The following GSDMC variants were observed in gnomAD, a reference collection of about 807,000 sequenced individuals.
GSDMC encodes the protein gasdermin C, also known as gasdermin-C.
GSDMC carries 59 observed loss-of-function variants against 58.0 expected under a neutral mutation model. The observed-to-expected ratio is 1.02, with a 90% CI of 0.82 to 1.26. The LOEUF is 1.26. Ranked by LOEUF, GSDMC falls within the 50% of genes most tolerant of loss-of-function variation. The probability of loss-of-function intolerance (pLI) is 0.00; values close to 1 mark genes in which losing one functional copy is unlikely to be tolerated. For synonymous variants in GSDMC, 241 were observed against 220.2 expected (o/e 1.09, Z -0.83); for missense variants, 659 against 598.5 (o/e 1.10, Z -1.06).
At chr8:129,717,250 C>CTTTTTTTTTTT in the GSDMC span, among the ~76,000 whole-genome samples, 1 of 114,686 alleles carries the variant, frequency 8.7e-6, no homozygotes. Flanking sequence ...TGGTCCTGGG[C>CTTTTTTTTTTT]TTTTTTTTTT....
chr8:129,750,016 A>G lies in GSDMC; in HGVS notation c.1187T>C (p.Ile396Thr), dbSNP rs2033111280. The stretch of plus-strand genomic sequence containing the variant: ...CATTATGGCTTCAAGGAGATAAAGA[A>G]TGGGGTCCTTTGGGTTAAACCATGC... ...NHAWFNPKDP[I>T]LYLLEAIMVL... is the part of the protein sequence containing the mutation. Residue 396 changes from isoleucine (I) to threonine (T), a missense_variant, in exon 12 of 14, where the codon ATT becomes ACT. Ile to Thr is a moderately conservative substitution (Grantham distance 89). Transcript: ENST00000276708. 1.2e-6 allele frequency: 2 copies of G among 1,609,446 alleles called. No homozygotes were observed. Among genetic ancestry groups the G allele is most frequent in the Non-Finnish European group, 1.7e-6 (2 of 1,178,544 alleles).
At chr8:129,727,023 C>CACACACACAT in the GSDMC span, among the ~76,000 whole-genome samples, 18,125 of 150,094 alleles carry the variant, frequency 0.12, 1,755 homozygotes, top group East Asian at 0.24. Context: ...CACACACACA[C>CACACACACAT]ACCTATTCAC....
downstream of GSDMC, among the ~76,000 whole-genome samples, chr8:129,745,556 C>A (rs1223123811): frequency 6.6e-6 from 1 of 152,092 alleles, no homozygotes; most frequent in East Asian, 1.9e-4. Flanking sequence ...TAAATAATGA[C>A]ACTTGTTACT....
At position 129,786,142 on chromosome 8, in the gene GSDMC, G is replaced by A. The variant is rs1563821504; in HGVS notation, c.-136C>T. ...GAGGTCAGGAGTTCAAGATCAGCCA[G>A]GCCAAGATGGTGAAACCCTGTCTCT... On this transcript the variant is annotated 5_prime_UTR_variant, in exon 1 of 14. Coordinates refer to ENST00000276708, the MANE Select transcript of GSDMC (RefSeq NM_031415.3). The A allele has an allele frequency of 1.3e-5, 2 of 152,076 alleles. No homozygotes were observed. The allele number at this position is 152,076 out of a possible 1,614,324, so 9.4% of individuals were successfully genotyped here.
At chr8:129,736,451 A>T in the GSDMC span, among the ~76,000 whole-genome samples, 16 of 152,326 alleles carry the variant, frequency 1.1e-4, no homozygotes, top group African/African-American at 3.8e-4. Flanking sequence ...CGATCAACTC[A>T]GCTTCATCCT....
At chr8:129,762,800 G>T in intron 4 of GSDMC, 69 bp from the exon 5 acceptor site, 1 of 1,045,864 alleles carries the variant, frequency 9.6e-7, no homozygotes, top group Non-Finnish European at 1.5e-6. Flanking sequence ...GCTCTAGAAA[G>T]CTCATTAGGA....
chr8:129,735,046 G>A, the GSDMC span, among the ~76,000 whole-genome samples: 3 of 152,212 alleles, frequency 2.0e-5, no homozygotes, highest in East Asian at 1.9e-4. Context: ...ACAAAGATCA[G>A]AAGAGACAAA....
Position 129,777,384 on chromosome 8 carries a change from T to C in GSDMC, c.204A>G (p.Pro68=). ...TGACAATACCTAGGACTGAAGAACTTGGCTCCAGGATGTCATTGAGGGAGA... is the reference window on the plus strand; with the variant it reads ...TGACAATACCTAGGACTGAAGAACTCGGCTCCAGGATGTCATTGAGGGAGA... The part of the protein sequence containing the change: ...VEFSLNDILE[P]SSSVLETVVT... Residue 68 remains proline (P), a synonymous_variant, in exon 2 of 14, where the codon CCA becomes CCG. Transcript: ENST00000276708. 6.2e-7 allele frequency: 1 copy of C among 1,610,744 alleles called. No homozygotes were observed. Among genetic ancestry groups the C allele is most frequent in the Non-Finnish European group, 8.5e-7 (1 of 1,176,900 alleles).
chr8:129,750,665 A>C, intron 10 of GSDMC, 95 bp from the exon 11 acceptor site: 2 of 1,253,592 alleles, frequency 1.6e-6, no homozygotes, highest in Non-Finnish European at 2.3e-6. Context: ...ATATGAACCA[A>C]ACTCCTCTAT....
the GSDMC span, among the ~76,000 whole-genome samples, chr8:129,712,263 A>C: frequency 6.6e-6 from 1 of 152,248 alleles, no homozygotes; most frequent in African/African-American, 2.4e-5. Flanking sequence ...TAGAAGTTTT[A>C]TTTTTCAATA....
chr8:129,758,853 G>GA (rs1016268527), intron 6 of GSDMC, among the ~76,000 whole-genome samples: 11 of 151,108 alleles, frequency 7.3e-5, no homozygotes, highest in East Asian at 5.8e-4. Context: ...TTCACAGTAA[G>GA]AAAAAAAAAT....
chr8:129,707,738 A>G, the GSDMC span, among the ~76,000 whole-genome samples: 1 of 152,244 alleles, frequency 6.6e-6, no homozygotes, highest in Non-Finnish European at 1.5e-5. Context: ...TGAGTAAGGA[A>G]AGACTTCAAG....
chr8:129,765,141 C>T (rs1298509771), intron 4 of GSDMC, among the ~76,000 whole-genome samples: 5 of 152,026 alleles, frequency 3.3e-5, no homozygotes, highest in African/African-American at 1.2e-4. Flanking sequence ...AAATATTATA[C>T]TTGGTTATTG....
intron 3 of GSDMC, among the ~76,000 whole-genome samples, chr8:129,771,579 A>C (rs1255006237): frequency 6.6e-6 from 1 of 152,238 alleles, no homozygotes; most frequent in African/African-American, 2.4e-5. Context: ...AGAAGAAATC[A>C]AAAGGGAATT....
Position 129,748,694 on chromosome 8 carries a change from G to C in GSDMC, c.1334C>G (p.Pro445Arg). ...GAGGAGCTCAGGTTTGAGGGTGAAG[G>C]GAATGCTCCAGGGGTATCTGAAGTT... ...EPNFRYPWSI[P>R]FTLKPELLAP... Residue 445 changes from proline to arginine, a missense_variant, in exon 14 of 14, where the codon CCC (proline) becomes CGC (arginine). Pro to Arg is a moderately radical substitution (Grantham distance 103, BLOSUM62 -2). Transcript: ENST00000276708. 1.3e-6 allele frequency: 2 copies of C among 1,598,004 alleles called. No individual in the cohort carries two copies. Among genetic ancestry groups the C allele is most frequent in the Non-Finnish European group, 1.7e-6 (2 of 1,172,650 alleles).
the GSDMC span, among the ~76,000 whole-genome samples, chr8:129,707,909 G>A: frequency 1.3e-5 from 2 of 152,230 alleles, no homozygotes; most frequent in African/African-American, 2.4e-5. Context: ...CTTTCTTTTC[G>A]CACTCAGAGT....
At chr8:129,778,624 C>T (rs952572472) in intron 1 of GSDMC, among the ~76,000 whole-genome samples, 6 of 152,056 alleles carry the variant, frequency 3.9e-5, no homozygotes, top group African/African-American at 1.4e-4. Flanking sequence ...TCTAATTAAA[C>T]TTAAGAGCTT....
intron 3 of GSDMC, among the ~76,000 whole-genome samples, chr8:129,771,742 T>C (rs1252666541): frequency 6.6e-6 from 1 of 151,386 alleles, no homozygotes; most frequent in Non-Finnish European, 1.5e-5. Context: ...ACAAGGAATT[T>C]CAGAAAATTC....
At chr8:129,746,551 A>C (rs189525971), downstream of GSDMC, among the ~76,000 whole-genome samples, 62 of 152,346 alleles carry the variant, frequency 4.1e-4, no homozygotes, top group African/African-American at 1.4e-3. Context: ...ATTTTCCTGA[A>C]AGGAAAAAAT....
Sources: allele counts gnomAD v4.1 joint callset (sites outside exome capture counted in the v4.1 genomes callset), GRCh38; gene constraint gnomAD v4.1.1; transcripts MANE v1.5; gene names NCBI Gene and HGNC (gene_info 2026-07-23, HGNC 2026-07-21).